DPY30: variants seen among roughly 807,000 people sequenced by gnomAD.
The protein encoded by DPY30 is protein dpy-30 homolog.
Under a neutral mutation model 16.2 loss-of-function variants are expected in DPY30, and 6 were observed. The ratio of observed to expected loss-of-function variants is 0.37; its 90% CI spans 0.20 to 0.73. The LOEUF is 0.73. Among genes scored for constraint, DPY30 ranks in the 30% least tolerant of loss-of-function variants. The probability of loss-of-function intolerance (pLI) is 0.51; values close to 1 mark genes in which losing one functional copy is unlikely to be tolerated. For synonymous variants in DPY30, 39 were observed against 38.8 expected, an observed-to-expected ratio of 1.00 and a Z score of -0.02; for missense variants, 73 against 113.1, an observed-to-expected ratio of 0.65 and a Z score of 1.61.
intron 3 of DPY30, among the ~76,000 whole-genome samples, chr2:32,033,771 T>C (rs980542996): frequency 6.6e-6 from 1 of 152,252 alleles, no homozygotes; most frequent in Non-Finnish European, 1.5e-5. Flanking sequence ...TGAACATTTA[T>C]GAATTATCTA....
At chr2:32,030,943 C>G (rs1050852675) in intron 3 of DPY30, among the ~76,000 whole-genome samples, 1 of 151,856 alleles carries the variant, frequency 6.6e-6, no homozygotes, top group South Asian at 2.1e-4. Flanking sequence ...TTCCCCATTC[C>G]GGCAGGTAAC....
downstream of DPY30, chr2:32,023,746 G>GA (rs1558584111): frequency 2.8e-5 from 36 of 1,304,598 alleles, no homozygotes; most frequent in Non-Finnish European, 3.5e-5. Context: ...ACAATGCTGA[G>GA]AAAAATTGGC....
At chr2:32,022,966 G>A (rs901166237), downstream of DPY30, among the ~76,000 whole-genome samples, 5 of 152,110 alleles carry the variant, frequency 3.3e-5, no homozygotes, top group Non-Finnish European at 2.9e-5. Context: ...TGGGCATACA[G>A]GCTATCCTAT....
intron 3 of DPY30, among the ~76,000 whole-genome samples, chr2:32,035,806 T>C (rs1675712748): frequency 6.6e-6 from 1 of 150,792 alleles, no homozygotes. Flanking sequence ...TGGTAGCGGG[T>C]GCCTATAATC....
chr2:32,036,529 G>C (rs550440514), intron 3 of DPY30, among the ~76,000 whole-genome samples: 14 of 152,046 alleles, frequency 9.2e-5, no homozygotes, highest in Non-Finnish European at 1.9e-4. Context: ...AAAATTAGCC[G>C]GGCATGGTGG....
intron 5 of DPY30, among the ~76,000 whole-genome samples, chr2:32,015,410 T>C (rs1055693640): frequency 6.6e-6 from 1 of 152,098 alleles, no homozygotes; most frequent in African/African-American, 2.4e-5. Flanking sequence ...ATCTGAACAC[T>C]AGACTAAGTA....
chr2:32,019,832 A>AT (rs1572988300), downstream of DPY30, among the ~76,000 whole-genome samples: 14 of 139,982 alleles, frequency 1.0e-4, no homozygotes, highest in South Asian at 2.0e-3. Context: ...AAAAAAAAAA[A>AT]AAAATATATA....
chr2:32,026,172 G>C (rs1675326529), intron 4 of DPY30, among the ~76,000 whole-genome samples: 1 of 152,122 alleles, frequency 6.6e-6, no homozygotes, highest in African/African-American at 2.4e-5. Context: ...GCTCATGCCT[G>C]TAATCCCAGG....
chr2:32,031,299 A>T (rs952597548), intron 3 of DPY30, among the ~76,000 whole-genome samples: 8 of 151,548 alleles, frequency 5.3e-5, no homozygotes, highest in African/African-American at 1.7e-4. Context: ...GCACACCTGT[A>T]CTCCCAGCTA....
Position 32,024,239 on chromosome 2 carries a change from T to A in DPY30, c.245A>T (p.Glu82Val). 1 of 1,612,422 alleles carries A rather than the reference T, an allele frequency of 6.2e-7. No individual in the cohort carries two copies. The highest frequency in any genetic ancestry group is 1.1e-5 in the South Asian group (1 of 90,928). ...TTTTAAAAGATAAGATGCTAGAAAT[T>A]CAATGGGATTTGGTGGTCTGTAAGG... ...LAKERPPNPIEFLASYLLKNK... is the reference protein window; with the variant it reads ...LAKERPPNPIVFLASYLLKNK... The change falls in exon 5 of 5, where the codon GAA becomes GTA. Residue 82 changes from glutamate (E) to valine (V), a missense_variant. Physicochemically the swap from Glu to Val is moderately radical, Grantham distance 121. Transcript: ENST00000342166.
chr2:32,019,541 G>T (rs185460273), downstream of DPY30, among the ~76,000 whole-genome samples: 240 of 151,750 alleles, frequency 1.6e-3, 1 homozygote, highest in African/African-American at 5.4e-3. Context: ...TTGGCAGGGG[G>T]TGGTGGCTCA....
intron 3 of DPY30, 61 bp downstream of exon 3, chr2:32,039,218 C>A (rs1433203347): frequency 1.9e-6 from 3 of 1,589,328 alleles, no homozygotes; most frequent in Non-Finnish European, 2.6e-6. Context: ...AAAGCAGATC[C>A]CAAGTTTTCT....
chr2:32,035,728 GT>G (rs1675709278), intron 3 of DPY30, among the ~76,000 whole-genome samples: 1 of 151,884 alleles, frequency 6.6e-6, no homozygotes, highest in South Asian at 2.1e-4. Context: ...AAGGTCAGCA[GT>G]TTGAGACCAG....
At chr2:32,016,194 C>T (rs1005160440) in intron 5 of DPY30, among the ~76,000 whole-genome samples, 8 of 152,274 alleles carry the variant, frequency 5.3e-5, no homozygotes, top group East Asian at 1.9e-4. Flanking sequence ...CCACCGTGCC[C>T]GGCCAAAGGC....
downstream of DPY30, among the ~76,000 whole-genome samples, chr2:32,019,895 T>C (rs1675142288): frequency 6.8e-6 from 1 of 147,558 alleles, no homozygotes; most frequent in Admixed American, 6.8e-5. Context: ...TGTATATGTG[T>C]GTATATATAT....
downstream of DPY30, among the ~76,000 whole-genome samples, chr2:32,022,671 C>T (rs1474355524): frequency 6.6e-6 from 1 of 151,938 alleles, no homozygotes; most frequent in African/African-American, 2.4e-5. Context: ...GCACATGCCA[C>T]CATGCCTGGC....
At chr2:32,039,534 A>C in intron 1 of DPY30, 42 bp from the exon 2 acceptor site, 1 of 1,600,596 alleles carries the variant, frequency 6.2e-7, no homozygotes, top group Non-Finnish European at 8.5e-7. Context: ...GGGAGATTTC[A>C]ACACGAAGAC....
chr2:32,021,714 C>T (rs1675185773), downstream of DPY30, among the ~76,000 whole-genome samples: 1 of 150,972 alleles, frequency 6.6e-6, no homozygotes, highest in South Asian at 2.1e-4. Context: ...AAGGCTGTGT[C>T]CCATTGGGTC....
chr2:32,013,965 GCCATTGCACTC>G (rs977526660), intron 5 of DPY30, among the ~76,000 whole-genome samples: 4 of 151,790 alleles, frequency 2.6e-5, no homozygotes, highest in Non-Finnish European at 4.4e-5. Context: ...CCGAGATCAT[GCCATTGCACTC>G]CAGCCTAGGT....
Sources: allele counts gnomAD v4.1 joint callset (sites outside exome capture counted in the v4.1 genomes callset), GRCh38; gene constraint gnomAD v4.1.1; transcripts MANE v1.5; gene names NCBI Gene and HGNC (gene_info 2026-07-23, HGNC 2026-07-21).